The following NFIB variants were observed in gnomAD, a reference collection of about 807,000 sequenced individuals.
NFIB encodes the protein nuclear factor I B.
NFIB carries 11 observed loss-of-function variants against 61.5 expected under a neutral mutation model. That is an observed-to-expected ratio of 0.18 (90% CI 0.11 to 0.30). NFIB has a LOEUF of 0.30. Among genes scored for constraint, NFIB ranks in the 10% least tolerant of loss-of-function variants. The pLI is 1.00. For missense variants in NFIB, 471 were observed against 608.9 expected, an observed-to-expected ratio of 0.77 and a Z score of 2.38; for synonymous variants, 260 against 216.5, an observed-to-expected ratio of 1.20 and a Z score of -1.76.
chr9:14,343,860 A>T (rs1219832786), intron 1 of NFIB, among the ~76,000 whole-genome samples: 2 of 151,936 alleles, frequency 1.3e-5, no homozygotes, highest in Non-Finnish European at 2.9e-5. Context: ...CAGAAACCTT[A>T]TAGAAAGAGA....
chr9:14,512,457 G>A, the NFIB span, among the ~76,000 whole-genome samples: 1 of 152,006 alleles, frequency 6.6e-6, no homozygotes, highest in Non-Finnish European at 1.5e-5. Flanking sequence ...TAGTAATAAA[G>A]TATCTTCGTA....
chr9:14,174,249 C>T (rs943304905), intron 3 of NFIB, among the ~76,000 whole-genome samples: 3 of 152,168 alleles, frequency 2.0e-5, no homozygotes, highest in Non-Finnish European at 4.4e-5. Context: ...GTTTTACCTA[C>T]GATGTCAGGT....
At position 14,306,006 on chromosome 9, in the gene NFIB, AAG is replaced by A. The variant is rs1253087913; in HGVS notation, c.562+981_562+982del. 11 of 1,268,360 alleles carry A rather than the reference AAG, an allele frequency of 8.7e-6. No individual in the cohort carries two copies. In the East Asian group the frequency reaches 3.1e-4, roughly 36 times the overall value. The allele number at this position is 1,268,360 out of a possible 1,614,324, so 78.6% of individuals were successfully genotyped here. A position where few individuals can be genotyped will look rare whatever the true frequency, so the allele number is the denominator to read the frequency against. ...TATCTTGATGCATTTATTTGAAGAA[AAG>A]AAATTCTTACCTACTTAAGGAAAAT... On this transcript the variant is annotated intron_variant, in intron 2 of 10. Coordinates refer to ENST00000380953, the MANE Select transcript of NFIB (RefSeq NM_001190737.2).
At chr9:14,331,648 T>C (rs191423122) in intron 1 of NFIB, among the ~76,000 whole-genome samples, 31 of 152,304 alleles carry the variant, frequency 2.0e-4, no homozygotes, top group Non-Finnish European at 3.5e-4. Flanking sequence ...TAATGGAATA[T>C]AGGCTTTCAA....
intron 2 of NFIB, among the ~76,000 whole-genome samples, chr9:14,239,841 G>A (rs2054171221): frequency 6.6e-6 from 1 of 152,130 alleles, no homozygotes; most frequent in African/African-American, 2.4e-5. Flanking sequence ...ACCCTCCAGA[G>A]GGAGAGAGTG....
At chr9:14,463,216 G>T in the NFIB span, among the ~76,000 whole-genome samples, 1 of 150,698 alleles carries the variant, frequency 6.6e-6, no homozygotes. Flanking sequence ...TAAATAAACT[G>T]CCTATGGTAA....
rs1293551501 is a variant in NFIB, at chr9:14,274,077, G to T, written c.562+32912C>A. Among the ~76,000 whole-genome samples the T allele has an allele frequency of 2.0e-5, 3 of 152,218 alleles. No homozygotes were observed. In the South Asian group the frequency reaches 6.2e-4, roughly 32 times the overall value. On this transcript the variant is annotated intron_variant, in intron 2 of 10. Transcript: ENST00000380953. ...TGCAAGCCTAACTTGAAGTGTAAAT[G>T]GTGAATGCTTCTCTATATCTCATCT...
chr9:14,531,684 C>CT, the NFIB span, among the ~76,000 whole-genome samples: 53 of 73,544 alleles, frequency 7.2e-4, 1 homozygote, highest in East Asian at 0.014. Flanking sequence ...TTGCATTTTT[C>CT]TTTAAAAAAA....
At chr9:14,385,528 CA>C (rs1464181506) in intron 1 of NFIB, among the ~76,000 whole-genome samples, 1 of 152,056 alleles carries the variant, frequency 6.6e-6, no homozygotes, top group Non-Finnish European at 1.5e-5. Flanking sequence ...TTTTAAAAAG[CA>C]TTTGAAATGT....
Position 14,338,693 on chromosome 9 carries a change from T to C in NFIB, c.109-31173A>G, listed in dbSNP as rs185635070. 2.8e-4 allele frequency among the ~76,000 whole-genome samples: 43 copies of C among 152,262 alleles called. No individual in the cohort carries two copies. In the South Asian group the frequency reaches 3.5e-3, roughly 12 times the overall value. On this transcript the variant is annotated intron_variant, in intron 1 of 8. Coordinates refer to the NFIB transcript ENST00000380934. ...GTGACTTGTGGTAGACACACAGTAATACATTAGGGTTTTCTCTTCTTTTCT... is the reference window on the plus strand; with the variant it reads ...GTGACTTGTGGTAGACACACAGTAACACATTAGGGTTTTCTCTTCTTTTCT...
chr9:14,351,071 A>G (rs1341749355), intron 1 of NFIB, among the ~76,000 whole-genome samples: 1 of 152,134 alleles, frequency 6.6e-6, no homozygotes, highest in Non-Finnish European at 1.5e-5. Context: ...TCCAGGAACA[A>G]ATCTTTAGTT....
chr9:14,197,794 A>G (rs2382455), intron 2 of NFIB, among the ~76,000 whole-genome samples: 132,732 of 151,494 alleles, frequency 0.88, 58,363 homozygotes, highest in South Asian at 0.93. Flanking sequence ...TAACTTGGGG[A>G]AAAAAAAGGT....
At chr9:14,316,359 C>T (rs933778553), upstream of NFIB, among the ~76,000 whole-genome samples, 3 of 151,686 alleles carry the variant, frequency 2.0e-5, no homozygotes, top group Non-Finnish European at 4.4e-5. Context: ...GTGGGGAGTT[C>T]GGGAGGCCGG....
chr9:14,421,112 C>A, the NFIB span, among the ~76,000 whole-genome samples: 33 of 149,588 alleles, frequency 2.2e-4, no homozygotes, highest in African/African-American at 7.3e-4. Context: ...GGCATGTATA[C>A]CATGTGCAAA....
rs71321971 is a variant in NFIB, at chr9:14,237,763, A to AGTGTGTGTGT, written c.563-57993_563-57984dup. 1.7e-3 allele frequency among the ~76,000 whole-genome samples: 144 copies of AGTGTGTGTGT among 85,128 alleles called. 15 individuals are homozygous for AGTGTGTGTGT. Among genetic ancestry groups the AGTGTGTGTGT allele is most frequent in the East Asian group, 3.3e-3 (7 of 2,124 alleles). The allele number at this position is 85,128 out of a possible 152,430, so 55.8% of individuals were successfully genotyped here. ...AGCTCCTCACCCTGCTAGGTATAAC[A>AGTGTGTGTGT]GTGTGTGTGTGTGTGTGTGTGTGTG... On this transcript the variant is annotated intron_variant, in intron 2 of 10. Coordinates refer to ENST00000380953, the MANE Select transcript of NFIB (RefSeq NM_001190737.2).
chr9:14,327,411 T>C (rs1470055455), intron 1 of NFIB, among the ~76,000 whole-genome samples: 1 of 152,338 alleles, frequency 6.6e-6, no homozygotes, highest in South Asian at 2.1e-4. Flanking sequence ...TGTGTCTATA[T>C]TCCGTAAGTA....
chr9:14,444,596 T>C, the NFIB span, among the ~76,000 whole-genome samples: 1 of 152,112 alleles, frequency 6.6e-6, no homozygotes, highest in South Asian at 2.1e-4. Flanking sequence ...GTTGAAAGAC[T>C]CAGAAATGTA....
intron 3 of NFIB, among the ~76,000 whole-genome samples, chr9:14,173,503 C>G (rs2045806634): frequency 6.6e-6 from 1 of 152,064 alleles, no homozygotes; most frequent in African/African-American, 2.4e-5. Context: ...TTGGGAAAAG[C>G]AAGGTTCATG....
chr9:14,170,296 G>C (rs542730961), intron 3 of NFIB, among the ~76,000 whole-genome samples: 8 of 152,136 alleles, frequency 5.3e-5, no homozygotes, highest in Admixed American at 3.9e-4. Context: ...TAAATATGGA[G>C]AGGGAAAGAA....
Sources: gnomAD v4.1 joint callset for allele counts (sites outside exome capture counted in the v4.1 genomes callset) on GRCh38, gnomAD v4.1.1 for gene constraint, MANE v1.5 for transcripts, NCBI Gene and HGNC (gene_info 2026-07-23, HGNC 2026-07-21) for gene names.